Variants in ENTREP3 observed in about 807,000 individuals in gnomAD.
The protein encoded by ENTREP3 is protein ENTREP3.
the ENTREP3 span, chr1:155,251,121 C>T: frequency 1.1e-5 from 18 of 1,612,774 alleles, no homozygotes; most frequent in Non-Finnish European, 1.4e-5. Flanking sequence ...CACTCGTTCA[C>T]AGATGCACGA....
the ENTREP3 span, chr1:155,250,365 C>G: frequency 6.5e-7 from 1 of 1,545,874 alleles, no homozygotes; most frequent in Non-Finnish European, 8.7e-7. This position sits in a 1 kb window ranked among gnomAD's most constrained non-coding sequence, Gnocchi z 5.4. Context: ...AGGCCGGTGC[C>G]CCGGTGGGGT....
At chr1:155,251,858 GC>G in the ENTREP3 span, 3 of 1,518,732 alleles carry the variant, frequency 2.0e-6, no homozygotes, top group South Asian at 3.9e-5. Context: ...GCGGGGACGT[GC>G]AGCCCAGAGG....
the ENTREP3 span, chr1:155,255,467 AGAAGGGGGATGG>A: frequency 2.9e-3 from 448 of 152,300 alleles, 2 homozygotes; most frequent in Admixed American, 6.8e-3. The surrounding 1 kb of genome is among the most constrained non-coding windows in gnomAD (Gnocchi z 5.6). Flanking sequence ...CGGGGACTAG[AGAAGGGGGATGG>A]GAATGGGGAT....
chr1:155,251,115 C>T, the ENTREP3 span: 35 of 1,612,778 alleles, frequency 2.2e-5, 1 homozygote, highest in South Asian at 7.7e-5. Context: ...GGAGGCCACT[C>T]GTTCACAGAT....
At chr1:155,247,230 G>C in the ENTREP3 span, 1 of 335,066 alleles carries the variant, frequency 3.0e-6, no homozygotes, top group East Asian at 7.6e-5. Flanking sequence ...GGGGAAAACT[G>C]AAATTTATTG....
chr1:155,251,909 C>T, the ENTREP3 span: 14 of 1,426,492 alleles, frequency 9.8e-6, no homozygotes, highest in Non-Finnish European at 1.2e-5. Flanking sequence ...GGGCCAGCTG[C>T]TGGGGAAGCG....
chr1:155,251,918 CG>C, the ENTREP3 span: 1 of 1,423,006 alleles, frequency 7.0e-7, no homozygotes, highest in Non-Finnish European at 9.2e-7. Context: ...GCTGGGGAAG[CG>C]AGCAGGTCAG....
the ENTREP3 span, among the ~76,000 whole-genome samples, chr1:155,249,938 G>A: frequency 1.7e-3 from 256 of 150,032 alleles, 1 homozygote; most frequent in South Asian, 3.2e-3. Context: ...CACACCTGTA[G>A]TCCCAGCTAC....
At chr1:155,248,276 C>G in the ENTREP3 span, 1 of 1,599,902 alleles carries the variant, frequency 6.3e-7, no homozygotes, top group South Asian at 1.1e-5. Context: ...GCGGGCTAGG[C>G]GGAAGAGGCA....
At chr1:155,251,595 C>T in the ENTREP3 span, 105 of 1,613,736 alleles carry the variant, frequency 6.5e-5, 2 homozygotes, top group Middle Eastern at 6.6e-4. Flanking sequence ...AGCCATTGTA[C>T]GTGATGCTGG....
the ENTREP3 span, chr1:155,251,868 G>A: frequency 6.6e-7 from 1 of 1,504,562 alleles, no homozygotes; most frequent in Non-Finnish European, 8.8e-7. Context: ...GCAGCCCAGA[G>A]GTCCCAGTGG....
At chr1:155,254,839 G>A in the ENTREP3 span, 2 of 1,596,248 alleles carry the variant, frequency 1.3e-6, no homozygotes, top group Non-Finnish European at 1.7e-6. The surrounding 1 kb of genome is among the most constrained non-coding windows in gnomAD (Gnocchi z 4.4). Flanking sequence ...TGGGCCGGCT[G>A]GTCAGCGAGC....
chr1:155,255,305 A>C, the ENTREP3 span: 1 of 199,196 alleles, frequency 5.0e-6, no homozygotes, highest in Non-Finnish European at 1.0e-5. This position sits in a 1 kb window ranked among gnomAD's most constrained non-coding sequence, Gnocchi z 5.6. Context: ...GCGTGGGGTG[A>C]CTCTAGAGGC....
the ENTREP3 span, chr1:155,250,424 C>CGGGGCTGGGGGGGGG: frequency 2.1e-6 from 1 of 468,902 alleles, no homozygotes; most frequent in Non-Finnish European, 3.6e-6. The surrounding 1 kb of genome is among the most constrained non-coding windows in gnomAD (Gnocchi z 5.4). Flanking sequence ...CTCGGGTGGG[C>CGGGGCTGGGGGGGGG]GGGGCTGCGG....
chr1:155,249,812 G>A, the ENTREP3 span, among the ~76,000 whole-genome samples: 1 of 151,794 alleles, frequency 6.6e-6, no homozygotes, highest in African/African-American at 2.4e-5. Flanking sequence ...CGTGAACCCG[G>A]GAGGCGGAGC....
the ENTREP3 span, chr1:155,255,237 G>T: frequency 8.1e-6 from 3 of 369,406 alleles, no homozygotes; most frequent in Non-Finnish European, 5.1e-6. The surrounding 1 kb of genome is among the most constrained non-coding windows in gnomAD (Gnocchi z 5.6). Context: ...CCAGGGAGGG[G>T]TGGGGAGGGT....
chr1:155,251,267 T>C, the ENTREP3 span: 2 of 972,758 alleles, frequency 2.1e-6, no homozygotes, highest in Non-Finnish European at 1.5e-6. Context: ...CTTGTCCCTT[T>C]GTACAAGTCA....
chr1:155,254,274 C>A, the ENTREP3 span: 7 of 1,493,346 alleles, frequency 4.7e-6, no homozygotes, highest in Non-Finnish European at 5.6e-6. This position sits in a 1 kb window ranked among gnomAD's most constrained non-coding sequence, Gnocchi z 4.4. Flanking sequence ...CCCTCCTTCA[C>A]AGACACTTCG....
At chr1:155,250,934 A>C in the ENTREP3 span, 1 of 1,275,840 alleles carries the variant, frequency 7.8e-7, no homozygotes, top group Admixed American at 2.5e-5. The surrounding 1 kb of genome is among the most constrained non-coding windows in gnomAD (Gnocchi z 5.4). Context: ...CTCCAGCTTT[A>C]TCTCAGAGGA....
Sources: allele counts gnomAD v4.1 joint callset (sites outside exome capture counted in the v4.1 genomes callset), GRCh38; gene constraint gnomAD v4.1.1; non-coding constraint Gnocchi (gnomAD v3.1); transcripts MANE v1.5; gene names NCBI Gene and HGNC (gene_info 2026-07-23, HGNC 2026-07-21).